Variants in CNTNAP2 observed in about 807,000 individuals in gnomAD.
The protein encoded by CNTNAP2 is contactin associated protein 2.
Under a neutral mutation model 155.2 loss-of-function variants are expected in CNTNAP2, and 98 were observed. That is an observed-to-expected ratio of 0.63 (90% CI 0.54 to 0.75). The LOEUF is 0.75. Among genes scored for constraint, CNTNAP2 ranks in the 30% least tolerant of loss-of-function variants. The pLI is 0.00. For missense variants in CNTNAP2, 1,727 were observed against 1,688.1 expected (o/e 1.02, Z -0.40); for synonymous variants, 651 against 631.2 (o/e 1.03, Z -0.47).
intron 1 of CNTNAP2, among the ~76,000 whole-genome samples, chr7:146,160,166 C>G (rs183904203): frequency 3.9e-4 from 60 of 152,224 alleles, no homozygotes; most frequent in Admixed American, 1.4e-3. Context: ...CACAACATAC[C>G]AGAATCTCTG....
At chr7:146,595,546 T>C (rs1370093240) in intron 1 of CNTNAP2, among the ~76,000 whole-genome samples, 2 of 152,098 alleles carry the variant, frequency 1.3e-5, no homozygotes, top group African/African-American at 4.8e-5. Flanking sequence ...CAATATCTTA[T>C]ACAATTTCTC....
chr7:147,647,488 G>A (rs1434985109), intron 13 of CNTNAP2, among the ~76,000 whole-genome samples: 3 of 152,042 alleles, frequency 2.0e-5, no homozygotes, highest in South Asian at 2.1e-4. Context: ...TCTTACCCAC[G>A]GTGATCACCA....
At chr7:146,201,689 A>C (rs1798865702) in intron 1 of CNTNAP2, among the ~76,000 whole-genome samples, 1 of 151,648 alleles carries the variant, frequency 6.6e-6, no homozygotes, top group Non-Finnish European at 1.5e-5. Flanking sequence ...TCAGAAAAAA[A>C]TATTTATTAA....
chr7:146,936,595 A>G (rs1243817104), intron 3 of CNTNAP2, among the ~76,000 whole-genome samples: 1 of 152,242 alleles, frequency 6.6e-6, no homozygotes, highest in African/African-American at 2.4e-5. Context: ...TTACTTTTAT[A>G]TCTGAGTCCT....
At chr7:147,616,499 T>G (rs186142514) in intron 12 of CNTNAP2, among the ~76,000 whole-genome samples, 20 of 152,344 alleles carry the variant, frequency 1.3e-4, no homozygotes, top group Admixed American at 8.5e-4. Flanking sequence ...CTTTATTGTA[T>G]TCTGGCAAAA....
intron 14 of CNTNAP2, among the ~76,000 whole-genome samples, chr7:147,933,594 G>A (rs897263872): frequency 6.6e-6 from 1 of 152,140 alleles, no homozygotes; most frequent in African/African-American, 2.4e-5. Context: ...GCTGGGCGTG[G>A]TGGCTCACAC....
rs1235569259 is a variant in CNTNAP2, at chr7:146,252,301, C to T, written c.97+135328C>T. Among the ~76,000 whole-genome samples, 8 of 152,102 alleles carry T rather than the reference C, an allele frequency of 5.3e-5. No individual in the cohort carries two copies. In the East Asian group the frequency reaches 1.5e-3, roughly 29 times the overall value. On this transcript the variant is annotated intron_variant, in intron 1 of 23. Coordinates refer to ENST00000361727, the MANE Select transcript of CNTNAP2 (RefSeq NM_014141.6). Reference sequence around the variant, plus strand: ...TAATTGACTATATCAAATCCCATTGCTGGAAGTGGGTGAATAGCTGGGAAT... The same window carrying T: ...TAATTGACTATATCAAATCCCATTGTTGGAAGTGGGTGAATAGCTGGGAAT...
intron 15 of CNTNAP2, among the ~76,000 whole-genome samples, chr7:148,101,243 C>A (rs75496706): frequency 0.022 from 3,366 of 151,876 alleles, 58 homozygotes; most frequent in South Asian, 0.058. Flanking sequence ...TGTAACTAAC[C>A]TGAACATTGT....
chr7:146,352,750 GTTTT>G (rs531124445), intron 1 of CNTNAP2, among the ~76,000 whole-genome samples: 19 of 64,310 alleles, frequency 3.0e-4, no homozygotes, highest in African/African-American at 1.1e-3. Context: ...GCATAATTCT[GTTTT>G]TTTTTTTTTT....
chr7:146,916,210 C>G (rs998487144), intron 3 of CNTNAP2, among the ~76,000 whole-genome samples: 2 of 151,872 alleles, frequency 1.3e-5, no homozygotes, highest in Admixed American at 1.3e-4. Context: ...TGCTGTTGGA[C>G]TTGGTTAGCT....
chr7:146,975,062 G>T (rs1419713172), intron 3 of CNTNAP2, among the ~76,000 whole-genome samples: 1 of 152,186 alleles, frequency 6.6e-6, no homozygotes, highest in Non-Finnish European at 1.5e-5. Context: ...TTCGCAAATA[G>T]TTGTTTGAAG....
Position 147,010,576 on chromosome 7 carries a change from G to T in CNTNAP2, c.403-33331G>T, listed in dbSNP as rs898123003. Among the ~76,000 whole-genome samples, 13 of 152,034 alleles carry T rather than the reference G, an allele frequency of 8.6e-5. 1 individual carries two copies. Among genetic ancestry groups the T allele is most frequent in the Admixed American group, 7.9e-4 (12 of 15,252 alleles). The stretch of plus-strand genomic sequence containing the variant: ...AGAGGGGATACCATTGGCCAAATCT[G>T]GAACAATTTGAGCATCAAACTATGT... On this transcript the variant is annotated intron_variant, in intron 3 of 23. Transcript: ENST00000361727.
intron 12 of CNTNAP2, among the ~76,000 whole-genome samples, chr7:147,630,851 C>A (rs1795075665): frequency 6.6e-6 from 1 of 152,078 alleles, no homozygotes; most frequent in African/African-American, 2.4e-5. Flanking sequence ...CTATGACAAA[C>A]CCACAGCCAA....
intron 3 of CNTNAP2, among the ~76,000 whole-genome samples, chr7:146,843,596 C>CAAA (rs10639255): frequency 0.21 from 26,876 of 126,170 alleles, 3,099 homozygotes; most frequent in Non-Finnish European, 0.27. Context: ...CTTACTAATA[C>CAAA]AAAAAAAAAA....
chr7:147,000,611 A>G (rs1298518227), intron 3 of CNTNAP2, among the ~76,000 whole-genome samples: 1 of 152,148 alleles, frequency 6.6e-6, no homozygotes, highest in Non-Finnish European at 1.5e-5. Context: ...CAGCTATTGC[A>G]GTACTAGGGG....
chr7:148,414,304 T>C (rs965249310), intron 23 of CNTNAP2, among the ~76,000 whole-genome samples: 10 of 152,106 alleles, frequency 6.6e-5, no homozygotes, highest in Non-Finnish European at 1.5e-4. Context: ...GGTCTTAAAC[T>C]CCTGACCTCA....
chr7:146,697,066 T>A lies in CNTNAP2; in HGVS notation c.98-77205T>A, dbSNP rs368665395. 3.3e-5 allele frequency among the ~76,000 whole-genome samples: 5 copies of A among 152,266 alleles called. No homozygotes were observed. The East Asian group carries it at 9.7e-4, about 29-fold the overall frequency. ...TGTCTTATTTGGTGTGTGTTGACTC[T>A]GTCAATTGCTAATAGAGGGGTATCA... On this transcript the variant is annotated intron_variant, in intron 1 of 23. Transcript: ENST00000361727.
At chr7:147,775,083 C>G (rs992159694) in intron 13 of CNTNAP2, among the ~76,000 whole-genome samples, 2 of 150,536 alleles carry the variant, frequency 1.3e-5, no homozygotes, top group Non-Finnish European at 2.9e-5. Context: ...AAGGCTGTAG[C>G]AGGCATTTTG....
At chr7:146,311,632 A>G (rs1412409450) in intron 1 of CNTNAP2, 1 of 148,928 alleles carries the variant, frequency 6.7e-6, no homozygotes. Flanking sequence ...AAAAAAAGAA[A>G]GAAAGACAGA....
Sources: allele counts gnomAD v4.1 joint callset (sites outside exome capture counted in the v4.1 genomes callset), GRCh38; gene constraint gnomAD v4.1.1; transcripts MANE v1.5; gene names NCBI Gene and HGNC (gene_info 2026-07-23, HGNC 2026-07-21).